The following BUB1B variants were observed in gnomAD, a reference collection of about 807,000 sequenced individuals.
The protein encoded by BUB1B is mitotic checkpoint serine/threonine-protein kinase BUB1 beta.
A neutral mutation model predicts 137.7 loss-of-function variants in BUB1B; 86 were observed. That is an observed-to-expected ratio of 0.62 (90% CI 0.52 to 0.75). The LOEUF (loss-of-function observed/expected upper bound fraction) is 0.75, where lower values mean the gene tolerates loss of function less well. Ranked by LOEUF, BUB1B falls within the 30% of genes least tolerant of loss-of-function variation. The probability of loss-of-function intolerance (pLI) is 0.00; values close to 1 mark genes in which losing one functional copy is unlikely to be tolerated. For missense variants in BUB1B, 1,130 were observed against 1,236.9 expected, an observed-to-expected ratio of 0.91 and a Z score of 1.30; for synonymous variants, 420 against 417.9, an observed-to-expected ratio of 1.00 and a Z score of -0.06.
rs199509124 is a variant in BUB1B at position 40,183,797 on chromosome 15, C to A, written c.665C>A (p.Pro222Gln). 1 of 1,614,028 alleles carries A rather than the reference C, an allele frequency of 6.2e-7. No homozygotes were observed. The highest frequency in any genetic ancestry group is 1.7e-5 in the Admixed American group (1 of 60,016). The stretch of plus-strand genomic sequence containing the variant: ...GAGGAAGTTTTTGAGTCTTCTGTAC[C>A]ACAACGAAGCACACTAGCTGAACTA... Reference protein sequence around the residue: ...EEEEVFESSVPQRSTLAELKS... With the variant: ...EEEEVFESSVQQRSTLAELKS... Residue 222 changes from proline (P) to glutamine (Q), a missense_variant, in exon 6 of 23, where the codon CCA (proline) becomes CAA (glutamine). Coordinates refer to ENST00000287598, the MANE Select transcript of BUB1B (RefSeq NM_001211.6).
chr15:40,203,466 G>A (rs1324588104), intron 14 of BUB1B, among the ~76,000 whole-genome samples: 1 of 152,132 alleles, frequency 6.6e-6, no homozygotes, highest in African/African-American at 2.4e-5. Flanking sequence ...AGATAGTGAT[G>A]ATGGTTGTAC....
At chr15:40,212,783 A>G in intron 19 of BUB1B, 135 bp downstream of exon 19, 1 of 866,252 alleles carries the variant, frequency 1.2e-6, no homozygotes, top group Non-Finnish European at 1.8e-6. Flanking sequence ...AGAAGCATTG[A>G]TAATTTTCTC....
At chr15:40,203,789 C>A (rs2037604456) in intron 14 of BUB1B, among the ~76,000 whole-genome samples, 5 of 152,028 alleles carry the variant, frequency 3.3e-5, no homozygotes. Context: ...AAATAAATAA[C>A]CTGTATCATT....
intron 2 of BUB1B, among the ~76,000 whole-genome samples, chr15:40,169,037 A>G (rs2037131733): frequency 6.6e-6 from 1 of 152,114 alleles, no homozygotes; most frequent in African/African-American, 2.4e-5. Context: ...ATAAATTCCC[A>G]TGTGTCAGGG....
intron 1 of BUB1B, among the ~76,000 whole-genome samples, chr15:40,163,234 G>A (rs1171787308): frequency 6.6e-6 from 1 of 152,146 alleles, no homozygotes; most frequent in Non-Finnish European, 1.5e-5. Flanking sequence ...TAGAATAAGT[G>A]AGTTGGAAAA....
At chr15:40,179,988 A>ATATATATATATATC (rs1555381477) in intron 5 of BUB1B, among the ~76,000 whole-genome samples, 2 of 142,508 alleles carry the variant, frequency 1.4e-5, no homozygotes, top group African/African-American at 5.0e-5. Context: ...ATATATATAT[A>ATATATATATATATC]TCTCTTAAAT....
chr15:40,209,087 T>C (rs2037675928), intron 16 of BUB1B, among the ~76,000 whole-genome samples: 1 of 151,998 alleles, frequency 6.6e-6, no homozygotes, highest in Non-Finnish European at 1.5e-5. Flanking sequence ...GGATTATAGG[T>C]GTGAGCCACC....
rs575005896 is a variant in BUB1B at position 40,168,228 on chromosome 15, G to T, written c.180-1834G>T. On this transcript the variant is annotated intron_variant, in intron 2 of 22. Coordinates refer to ENST00000287598, the MANE Select transcript of BUB1B (RefSeq NM_001211.6). ...ACTAAAAATACAAAATTAGCCGGGC[G>T]TGGTGGCGCATGCCTGTAATCCCAG... Among the ~76,000 whole-genome samples the T allele has an allele frequency of 2.6e-5, 4 of 152,208 alleles. No individual in the cohort carries two copies. The South Asian group carries it at 8.3e-4, about 32-fold the overall frequency.
At chr15:40,193,619 AG>A (rs1489742073) in intron 8 of BUB1B, among the ~76,000 whole-genome samples, 1 of 151,120 alleles carries the variant, frequency 6.6e-6, no homozygotes, top group African/African-American at 2.4e-5. Context: ...TTTTGAAGAC[AG>A]GGTCTCAGCC....
rs1027098002 is a variant in BUB1B at position 40,219,162 on chromosome 15, G to A, written c.2957+600G>A. ...CCTGACCTTGTGATCCGCCCGCCTCGGCCTCCCAAAGTGCTAGGATTACAG... is the reference window on the plus strand; with the variant it reads ...CCTGACCTTGTGATCCGCCCGCCTCAGCCTCCCAAAGTGCTAGGATTACAG... On this transcript the variant is annotated intron_variant, in intron 22 of 22. Coordinates refer to ENST00000287598, the MANE Select transcript of BUB1B (RefSeq NM_001211.6). Among the ~76,000 whole-genome samples, 7 of 152,090 alleles carry A rather than the reference G, an allele frequency of 4.6e-5. No individual in the cohort carries two copies. In the East Asian group the frequency reaches 5.8e-4, roughly 13 times the overall value.
chr15:40,187,464 G>A (rs925375185), intron 8 of BUB1B, among the ~76,000 whole-genome samples: 6 of 151,946 alleles, frequency 3.9e-5, no homozygotes, highest in African/African-American at 1.5e-4. Flanking sequence ...GGTGGTGGGT[G>A]CCTGTAGTCC....
At chr15:40,185,841 G>A (rs1407802252) in intron 8 of BUB1B, among the ~76,000 whole-genome samples, 199 bp downstream of exon 8, 2 of 151,986 alleles carry the variant, frequency 1.3e-5, no homozygotes, top group Admixed American at 6.6e-5. Flanking sequence ...AGCCTGGGCA[G>A]CCTAGTGAGA....
chr15:40,200,453 A>G (rs2037553179), intron 11 of BUB1B, 94 bp downstream of exon 11: 1 of 885,122 alleles, frequency 1.1e-6, no homozygotes, highest in African/African-American at 1.7e-5. Flanking sequence ...CTTGACGTTT[A>G]CAGTATCGAG....
intron 5 of BUB1B, among the ~76,000 whole-genome samples, chr15:40,178,232 T>C (rs986036995): frequency 1.3e-5 from 2 of 152,092 alleles, no homozygotes; most frequent in Non-Finnish European, 1.5e-5. Flanking sequence ...AGCACTGCTT[T>C]AGTTGTATCC....
At chr15:40,165,749 G>T (rs1595508263) in intron 2 of BUB1B, among the ~76,000 whole-genome samples, 1 of 151,896 alleles carries the variant, frequency 6.6e-6, no homozygotes, top group East Asian at 1.9e-4. Context: ...CAGAGTATCA[G>T]TTTCTACCTT....
At chr15:40,216,578 T>A (rs949934248) in intron 20 of BUB1B, among the ~76,000 whole-genome samples, 14 of 127,420 alleles carry the variant, frequency 1.1e-4, no homozygotes, top group African/African-American at 5.5e-4. Context: ...TATATTTTTT[T>A]TTTTTTTTAA....
At chr15:40,211,907 C>G (rs1298898332) in intron 18 of BUB1B, among the ~76,000 whole-genome samples, 1 of 152,158 alleles carries the variant, frequency 6.6e-6, no homozygotes, top group Non-Finnish European at 1.5e-5. Context: ...ACTGCAACCT[C>G]TGCCTCCCAG....
Position 40,217,584 on chromosome 15 carries a change from G to C in BUB1B, c.2767G>C (p.Asp923His). The change falls in exon 21 of 23, where the codon GAT becomes CAT. Residue 923 changes from aspartate (D) to histidine (H), a missense_variant. Asp to His is a moderately conservative substitution (Grantham distance 81). Transcript: ENST00000287598. The part of the protein sequence containing the change: ...SYSVDLRVQL[D>H]VFTLSGFRTV... The stretch of plus-strand genomic sequence containing the variant: ...CAGTGTTGACCTTAGGGTGCAGCTG[G>C]ATGTTTTTACCCTCAGCGGCTTTCG... The C allele has an allele frequency of 1.2e-6, 2 of 1,614,134 alleles. No individual in the cohort carries two copies. Among genetic ancestry groups the C allele is most frequent in the African/African-American group, 1.3e-5 (1 of 75,022 alleles).
chr15:40,190,206 A>G (rs942424575), intron 8 of BUB1B, among the ~76,000 whole-genome samples: 1 of 152,214 alleles, frequency 6.6e-6, no homozygotes, highest in African/African-American at 2.4e-5. Context: ...AGCAAAACTA[A>G]CTTTTTTTCC....
Sources: gnomAD v4.1 joint callset for allele counts (sites outside exome capture counted in the v4.1 genomes callset) on GRCh38, gnomAD v4.1.1 for gene constraint, MANE v1.5 for transcripts, NCBI Gene and HGNC (gene_info 2026-07-23, HGNC 2026-07-21) for gene names.